ALK: variants seen among roughly 807,000 people sequenced by gnomAD.
ALK encodes the protein ALK tyrosine kinase receptor.
Under a neutral mutation model 163.1 loss-of-function variants are expected in ALK, and 74 were observed. That is an observed-to-expected ratio of 0.45 (90% CI 0.38 to 0.55). ALK has a LOEUF of 0.55. Ranked by LOEUF, ALK falls within the 20% of genes least tolerant of loss-of-function variation. The pLI is 0.00. For synonymous variants in ALK, 960 were observed against 843.2 expected, an observed-to-expected ratio of 1.14 and a Z score of -2.40; for missense variants, 2,063 against 2,105.3, an observed-to-expected ratio of 0.98 and a Z score of 0.39.
chr2:29,833,651 T>C (rs1260121528), intron 1 of ALK, among the ~76,000 whole-genome samples: 1 of 152,194 alleles, frequency 6.6e-6, no homozygotes, highest in Non-Finnish European at 1.5e-5. Context: ...CTATATTGCA[T>C]GTTCCAGGCA....
At chr2:29,614,040 G>A (rs1019767350) in intron 3 of ALK, among the ~76,000 whole-genome samples, 2 of 152,164 alleles carry the variant, frequency 1.3e-5, no homozygotes, top group Admixed American at 6.5e-5. Flanking sequence ...TTGTGTGACA[G>A]GAGACTCACC....
At chr2:29,396,836 G>GTTTTTTTTGTTTTTTTTTTT (rs1669319175) in intron 4 of ALK, among the ~76,000 whole-genome samples, 1 of 46,604 alleles carries the variant, frequency 2.1e-5, no homozygotes, top group Admixed American at 4.3e-4. Context: ...TGTTACTATG[G>GTTTTTTTTGTTTTTTTTTTT]TTTTTTTTTT....
At chr2:29,420,567 G>T (rs2148066479) in intron 4 of ALK, among the ~76,000 whole-genome samples, 1 of 151,532 alleles carries the variant, frequency 6.6e-6, no homozygotes. Flanking sequence ...TCAAAGGAGG[G>T]AAAAATCCTT....
At chr2:29,584,564 C>T (rs541185198) in intron 3 of ALK, among the ~76,000 whole-genome samples, 24 of 152,186 alleles carry the variant, frequency 1.6e-4, no homozygotes, top group Non-Finnish European at 2.4e-4. Flanking sequence ...CTATTCAAGG[C>T]CCTGCCCTTC....
rs555832919 is a variant in ALK, at chr2:29,246,286, G to A, written c.2204+4819C>T. On this transcript the variant is annotated intron_variant, in intron 12 of 28. Transcript: ENST00000389048. This position sits in a 1 kb window ranked among gnomAD's most constrained non-coding sequence, Gnocchi z 4.3. ...GGGGCGGGCTGGGCTGAGTGCTGGC[G>A]CCTCTGCCTGTGGCAGGCCACCCGT... 2.0e-4 allele frequency among the ~76,000 whole-genome samples: 30 copies of A among 152,188 alleles called. No individual in the cohort carries two copies. Among genetic ancestry groups the A allele is most frequent in the African/African-American group, 6.0e-4 (25 of 41,514 alleles).
At chr2:29,724,067 T>A (rs72851965) in intron 1 of ALK, among the ~76,000 whole-genome samples, 2,346 of 152,292 alleles carry the variant, frequency 0.015, 62 homozygotes, top group African/African-American at 0.054. Flanking sequence ...AATAAATATA[T>A]CATACTTGTG....
chr2:29,511,545 G>C (rs1042453950), intron 4 of ALK, among the ~76,000 whole-genome samples: 1 of 152,096 alleles, frequency 6.6e-6, no homozygotes, highest in Admixed American at 6.6e-5. Flanking sequence ...TTCACCTGTT[G>C]ATACACATTT....
At chr2:29,757,953 G>A (rs542959085) in intron 1 of ALK, among the ~76,000 whole-genome samples, 1 of 151,658 alleles carries the variant, frequency 6.6e-6, no homozygotes, top group East Asian at 1.9e-4. Context: ...CTTTTCATGA[G>A]GGAAAACACA....
chr2:29,679,545 G>C (rs1677999433), intron 3 of ALK, among the ~76,000 whole-genome samples: 1 of 151,234 alleles, frequency 6.6e-6, no homozygotes, highest in Non-Finnish European at 1.5e-5. Context: ...GTTTATCACA[G>C]TCTATTTAAG....
chr2:29,671,308 G>A (rs1351275267), intron 3 of ALK, among the ~76,000 whole-genome samples: 1 of 152,056 alleles, frequency 6.6e-6, no homozygotes, highest in Admixed American at 6.6e-5. Flanking sequence ...TGGGAAGGCT[G>A]GCTAGCAGTT....
At chr2:29,418,635 A>G (rs1669940972) in intron 4 of ALK, among the ~76,000 whole-genome samples, 1 of 152,202 alleles carries the variant, frequency 6.6e-6, no homozygotes, top group African/African-American at 2.4e-5. Context: ...AAGTGACAAC[A>G]TGTGGTATAT....
chr2:29,540,179 C>A (rs2148165293), intron 3 of ALK, among the ~76,000 whole-genome samples: 1 of 152,220 alleles, frequency 6.6e-6, no homozygotes, highest in Middle Eastern at 3.4e-3. Context: ...TTTAAAAAGT[C>A]TGACCTGATA....
chr2:29,848,016 T>C (rs1308940946), intron 1 of ALK, among the ~76,000 whole-genome samples: 13 of 152,120 alleles, frequency 8.5e-5, no homozygotes, highest in African/African-American at 2.9e-4. Flanking sequence ...CCAGCTGGAC[T>C]TAAATCCCCC....
At chr2:29,880,323 A>G (rs539025372) in intron 1 of ALK, among the ~76,000 whole-genome samples, 1 of 152,284 alleles carries the variant, frequency 6.6e-6, no homozygotes, top group African/African-American at 2.4e-5. Flanking sequence ...AGGCAGATGT[A>G]CCCCAGGGCA....
chr2:29,281,572 C>CT (rs879757950), intron 9 of ALK, among the ~76,000 whole-genome samples: 5 of 152,152 alleles, frequency 3.3e-5, no homozygotes, highest in Admixed American at 1.3e-4. Context: ...TTTTTCTTTT[C>CT]TTTTTTCCAG....
intron 11 of ALK, among the ~76,000 whole-genome samples, chr2:29,272,538 G>A (rs1665419765): frequency 6.6e-6 from 1 of 152,180 alleles, no homozygotes; most frequent in African/African-American, 2.4e-5. Context: ...GAATGTTTAG[G>A]GAAGCTTAGA....
chr2:29,345,189 T>C (rs1385119246), intron 5 of ALK, among the ~76,000 whole-genome samples: 1 of 151,874 alleles, frequency 6.6e-6, no homozygotes, highest in Non-Finnish European at 1.5e-5. Context: ...TGCCTAGGAG[T>C]TTGAGACCAG....
chr2:29,659,392 C>G (rs945514919), intron 3 of ALK, among the ~76,000 whole-genome samples: 4 of 152,124 alleles, frequency 2.6e-5, no homozygotes, highest in African/African-American at 9.7e-5. Flanking sequence ...GCTGTTCTGC[C>G]TGGGGAAGGT....
chr2:29,843,931 G>A (rs1370463683), intron 1 of ALK, among the ~76,000 whole-genome samples: 2 of 152,112 alleles, frequency 1.3e-5, no homozygotes, highest in Non-Finnish European at 2.9e-5. Context: ...TCTAGTGGGG[G>A]AAGCCAGGCC....
Sources: allele counts gnomAD v4.1 joint callset (sites outside exome capture counted in the v4.1 genomes callset), GRCh38; gene constraint gnomAD v4.1.1; non-coding constraint Gnocchi (gnomAD v3.1); transcripts MANE v1.5; gene names NCBI Gene and HGNC (gene_info 2026-07-23, HGNC 2026-07-21).